PRKAG2: variants seen among roughly 807,000 people sequenced by gnomAD.
The protein encoded by PRKAG2 is 5'-AMP-activated protein kinase subunit gamma-2.
A neutral mutation model predicts 69.6 loss-of-function variants in PRKAG2; 26 were observed. The ratio of observed to expected loss-of-function variants is 0.37; its 90% CI spans 0.27 to 0.52. The LOEUF is 0.52. Among genes scored for constraint, PRKAG2 ranks in the 20% least tolerant of loss-of-function variants. The pLI is 0.90. For missense variants in PRKAG2, 557 were observed against 740.0 expected (o/e 0.75, Z 2.87); for synonymous variants, 293 against 285.0 (o/e 1.03, Z -0.28).
intron 15 of PRKAG2, chr7:151,559,405 T>G: frequency 1.0e-6 from 1 of 985,442 alleles, no homozygotes; most frequent in Non-Finnish European, 1.2e-6. Context: ...ACACTTGAAG[T>G]TTGCAAGTGA....
At chr7:151,631,122 C>T (rs981395537) in intron 5 of PRKAG2, among the ~76,000 whole-genome samples, 3 of 152,210 alleles carry the variant, frequency 2.0e-5, no homozygotes, top group Non-Finnish European at 4.4e-5. Context: ...GGACAGCATC[C>T]ACATGGCACG....
At chr7:151,572,801 C>T in intron 8 of PRKAG2, 92 bp from the exon 9 acceptor site, 1 of 844,636 alleles carries the variant, frequency 1.2e-6, no homozygotes, top group Non-Finnish European at 1.8e-6. Flanking sequence ...TGGATAATAG[C>T]ATTTTCTATT....
At position 151,689,749 on chromosome 7, in the gene PRKAG2, C is replaced by A. The variant is rs115243369; in HGVS notation, c.467-14112G>T. Among the ~76,000 whole-genome samples, 596 of 152,290 alleles carry A rather than the reference C, an allele frequency of 3.9e-3. 2 individuals are homozygous for A. The highest frequency in any genetic ancestry group is 0.013 in the African/African-American group (552 of 41,572). ...CTCCTGGGGTTCTGTTGACTCAACA[C>A]ATCATCTGACGCCACCCCGGCAGGC... On this transcript the variant is annotated intron_variant, in intron 3 of 15. Transcript: ENST00000287878.
intron 1 of PRKAG2, among the ~76,000 whole-genome samples, chr7:151,839,948 G>A (rs2079237046): frequency 6.6e-6 from 1 of 152,178 alleles, no homozygotes; most frequent in East Asian, 1.9e-4. Flanking sequence ...TACCCCAGGG[G>A]TTCTTGGACA....
intron 5 of PRKAG2, among the ~76,000 whole-genome samples, chr7:151,601,305 T>C (rs1816020184): frequency 6.6e-6 from 1 of 152,200 alleles, no homozygotes; most frequent in Non-Finnish European, 1.5e-5. Context: ...TTCTGTCTCA[T>C]CAGTTATTAC....
At chr7:151,872,377 T>G (rs1429324608) in intron 1 of PRKAG2, among the ~76,000 whole-genome samples, 3 of 152,210 alleles carry the variant, frequency 2.0e-5, no homozygotes, top group Non-Finnish European at 4.4e-5. Flanking sequence ...CCAGGCTGAT[T>G]CCCATGGAAT....
chr7:151,624,037 C>G (rs1822205631), intron 5 of PRKAG2, among the ~76,000 whole-genome samples: 1 of 151,768 alleles, frequency 6.6e-6, no homozygotes, highest in African/African-American at 2.4e-5. Context: ...AAAGTACAAC[C>G]TAAAATAAAA....
At chr7:151,619,787 G>A (rs773842827) in intron 5 of PRKAG2, among the ~76,000 whole-genome samples, 4 of 152,132 alleles carry the variant, frequency 2.6e-5, no homozygotes, top group African/African-American at 4.8e-5. Flanking sequence ...TGGAGGGGCC[G>A]AGGTGGGAGG....
chr7:151,560,865 A>G (rs1484944340), intron 14 of PRKAG2, among the ~76,000 whole-genome samples: 2 of 152,130 alleles, frequency 1.3e-5, no homozygotes, highest in African/African-American at 4.8e-5. Context: ...GTGGGCCAAG[A>G]TCGCACCAGT....
intron 1 of PRKAG2, among the ~76,000 whole-genome samples, chr7:151,854,577 C>T (rs1422901822): frequency 6.6e-6 from 1 of 152,218 alleles, no homozygotes; most frequent in African/African-American, 2.4e-5. Flanking sequence ...CCGCCAAACT[C>T]GAGGGCCTCA....
At chr7:151,855,158 T>TCCTCCACACACACCAC (rs1563756896) in intron 1 of PRKAG2, among the ~76,000 whole-genome samples, 1 of 4,038 alleles carries the variant, frequency 2.5e-4, no homozygotes, top group Admixed American at 3.9e-3. Flanking sequence ...ACACACACCA[T>TCCTCCACACACACCAC]CCTCCACACA....
At chr7:151,665,556 G>GGCA (rs1830923702) in intron 4 of PRKAG2, among the ~76,000 whole-genome samples, 1 of 152,172 alleles carries the variant, frequency 6.6e-6, no homozygotes, top group Non-Finnish European at 1.5e-5. Flanking sequence ...TCAGCACACA[G>GGCA]GCAGCACTTG....
intron 1 of PRKAG2, among the ~76,000 whole-genome samples, chr7:151,858,478 G>A (rs2151904152): frequency 6.6e-6 from 1 of 152,298 alleles, no homozygotes; most frequent in African/African-American, 2.4e-5. Context: ...GTCAGGGATT[G>A]GACTAGGTAA....
chr7:151,866,564 G>A (rs998256669), intron 1 of PRKAG2, among the ~76,000 whole-genome samples: 6 of 152,026 alleles, frequency 3.9e-5, no homozygotes, highest in East Asian at 3.9e-4. Flanking sequence ...AATATTGATC[G>A]GTCATCAGCA....
chr7:151,627,486 C>T (rs1187188982), intron 5 of PRKAG2, among the ~76,000 whole-genome samples: 3 of 151,920 alleles, frequency 2.0e-5, no homozygotes, highest in Non-Finnish European at 4.4e-5. Flanking sequence ...ATTAGCCAGG[C>T]ATGCTGGTGC....
chr7:151,866,820 A>G (rs1377960609), intron 1 of PRKAG2, among the ~76,000 whole-genome samples: 2 of 152,078 alleles, frequency 1.3e-5, no homozygotes, highest in Non-Finnish European at 2.9e-5. Flanking sequence ...GTCTTCTGGA[A>G]GTTGAGCAGG....
At chr7:151,829,243 G>A (rs757416813) in intron 1 of PRKAG2, among the ~76,000 whole-genome samples, 6 of 152,192 alleles carry the variant, frequency 3.9e-5, no homozygotes, top group Non-Finnish European at 7.3e-5. Flanking sequence ...AAAGATTCAC[G>A]AATGATCAAT....
chr7:151,622,014 C>T (rs1821638678), intron 5 of PRKAG2, among the ~76,000 whole-genome samples: 2 of 152,150 alleles, frequency 1.3e-5, no homozygotes, highest in African/African-American at 4.8e-5. Flanking sequence ...CTGACTTATC[C>T]AAGAACTAAG....
chr7:151,876,320 A>T (rs2080403282), intron 1 of PRKAG2, among the ~76,000 whole-genome samples, 187 bp downstream of exon 1: 1 of 151,598 alleles, frequency 6.6e-6, no homozygotes, highest in Non-Finnish European at 1.5e-5. Flanking sequence ...GCGGGCAGAG[A>T]GAGAGATTGA....
Sources: gnomAD v4.1 joint callset for allele counts (sites outside exome capture counted in the v4.1 genomes callset) on GRCh38, gnomAD v4.1.1 for gene constraint, MANE v1.5 for transcripts, NCBI Gene and HGNC (gene_info 2026-07-23, HGNC 2026-07-21) for gene names.